CTNND2: variants seen among roughly 807,000 people sequenced by gnomAD.
The protein encoded by CTNND2 is catenin delta 2.
CTNND2 carries 22 observed loss-of-function variants against 144.4 expected under a neutral mutation model. That is an observed-to-expected ratio of 0.15 (90% confidence interval 0.11 to 0.22). The LOEUF is 0.22. CTNND2 is among the 10% of genes least tolerant of loss of function. CTNND2 has a pLI of 1.00. For synonymous variants in CTNND2, 751 were observed against 695.6 expected (o/e 1.08, Z -1.25); for missense variants, 1,353 against 1,618.8 (o/e 0.84, Z 2.82).
chr5:10,997,607 AAT>A (rs1491164636), intron 18 of CTNND2, among the ~76,000 whole-genome samples: 12 of 151,980 alleles, frequency 7.9e-5, no homozygotes, highest in African/African-American at 2.7e-4. Flanking sequence ...AAAAAAAAAA[AAT>A]TTAAATCCCT....
At chr5:11,284,619 T>G (rs1208751325) in intron 9 of CTNND2, among the ~76,000 whole-genome samples, 1 of 152,254 alleles carries the variant, frequency 6.6e-6, no homozygotes, top group African/African-American at 2.4e-5. Flanking sequence ...CTGCGTAGTA[T>G]TCTATGGTGT....
chr5:11,235,362 T>C (rs740472), intron 10 of CTNND2, among the ~76,000 whole-genome samples: 2,043 of 152,344 alleles, frequency 0.013, 50 homozygotes, highest in African/African-American at 0.047. Flanking sequence ...TGCATGGCCA[T>C]TGTTTTTTCT....
chr5:11,126,336 T>C (rs1390862649), intron 12 of CTNND2, among the ~76,000 whole-genome samples: 1 of 152,240 alleles, frequency 6.6e-6, no homozygotes, highest in Non-Finnish European at 1.5e-5. Flanking sequence ...TTCATAATTT[T>C]TTAAATTAAT....
At chr5:11,690,559 C>T (rs1357167297) in intron 2 of CTNND2, among the ~76,000 whole-genome samples, 1 of 151,668 alleles carries the variant, frequency 6.6e-6, no homozygotes, top group South Asian at 2.1e-4. Context: ...AGGTGAAACC[C>T]CGTCTCTACT....
intron 2 of CTNND2, among the ~76,000 whole-genome samples, chr5:11,676,130 C>T (rs1394041682): frequency 6.6e-6 from 1 of 151,876 alleles, no homozygotes; most frequent in African/African-American, 2.4e-5. Flanking sequence ...CACACACACA[C>T]ATATATAACA....
In CTNND2 at chr5:11,862,760, A is replaced by T. The variant is rs1249391971; in HGVS notation, c.37+41057T>A. Among the ~76,000 whole-genome samples, 3 of 152,318 alleles carry T rather than the reference A, an allele frequency of 2.0e-5. No individual in the cohort carries two copies. The East Asian group carries it at 5.8e-4, about 29-fold the overall frequency. ...TACGACAATTTATCTCCTTTGAGACATTGGCCAGCTCTTCTGTTTTCAGCC... is the reference window on the plus strand; with the variant it reads ...TACGACAATTTATCTCCTTTGAGACTTTGGCCAGCTCTTCTGTTTTCAGCC... On this transcript the variant is annotated intron_variant, in intron 1 of 21. Coordinates refer to ENST00000304623, the MANE Select transcript of CTNND2 (RefSeq NM_001332.4).
chr5:11,483,648 A>G (rs960782803), intron 3 of CTNND2, among the ~76,000 whole-genome samples: 1 of 152,190 alleles, frequency 6.6e-6, no homozygotes, highest in African/African-American at 2.4e-5. Context: ...CGAAGCCTGC[A>G]GTCTTGTAAG....
chr5:11,399,388 TAGAC>T (rs1648741168), intron 5 of CTNND2, among the ~76,000 whole-genome samples: 1 of 152,186 alleles, frequency 6.6e-6, no homozygotes, highest in South Asian at 2.1e-4. Context: ...AGCATTATCT[TAGAC>T]AGTTGCATGT....
intron 1 of CTNND2, among the ~76,000 whole-genome samples, chr5:11,862,306 A>T (rs1795538979): frequency 6.6e-6 from 1 of 152,324 alleles, no homozygotes; most frequent in South Asian, 2.1e-4. Context: ...CATTAAAATG[A>T]AGGCACTTGT....
At chr5:11,468,685 AT>A (rs1766892865) in intron 3 of CTNND2, among the ~76,000 whole-genome samples, 1 of 152,084 alleles carries the variant, frequency 6.6e-6, no homozygotes, top group Non-Finnish European at 1.5e-5. Context: ...CCTTTTTCAA[AT>A]TTTAGAGTCT....
At chr5:11,793,525 T>A (rs1387064722) in intron 1 of CTNND2, among the ~76,000 whole-genome samples, 2 of 152,166 alleles carry the variant, frequency 1.3e-5, no homozygotes, top group Non-Finnish European at 2.9e-5. Context: ...ATATGACAGA[T>A]GTCCTCATGA....
chr5:11,167,385 C>T (rs980433131), intron 11 of CTNND2, among the ~76,000 whole-genome samples: 1 of 152,072 alleles, frequency 6.6e-6, no homozygotes, highest in Admixed American at 6.5e-5. Context: ...TTATTTAGCC[C>T]CAGAATGGAT....
At chr5:11,454,654 T>G (rs1180008125) in intron 3 of CTNND2, among the ~76,000 whole-genome samples, 2 of 151,838 alleles carry the variant, frequency 1.3e-5, no homozygotes, top group East Asian at 3.9e-4. Context: ...TGCAGTGCAG[T>G]GGCACGATCT....
chr5:11,387,131 G>GTT (rs5865936), intron 6 of CTNND2, among the ~76,000 whole-genome samples: 103 of 150,284 alleles, frequency 6.9e-4, no homozygotes, highest in African/African-American at 1.9e-3. Flanking sequence ...CCATATATCA[G>GTT]TTTTTTTTGG....
intron 1 of CTNND2, among the ~76,000 whole-genome samples, chr5:11,813,179 G>A (rs372600627): frequency 1.4e-4 from 22 of 152,266 alleles, no homozygotes; most frequent in African/African-American, 3.9e-4. Flanking sequence ...ATTGCCTACA[G>A]TATTCAGTAC....
intron 2 of CTNND2, among the ~76,000 whole-genome samples, chr5:11,573,853 G>T (rs1348430492): frequency 2.6e-5 from 4 of 151,986 alleles, no homozygotes; most frequent in African/African-American, 4.8e-5. Flanking sequence ...ATCTGCTTTT[G>T]CTCTGCCATT....
chr5:11,788,909 A>T (rs895030118), intron 1 of CTNND2, among the ~76,000 whole-genome samples: 1 of 146,506 alleles, frequency 6.8e-6, no homozygotes, highest in Admixed American at 7.2e-5. Context: ...ATTCCCACCT[A>T]TGAATGAGAA....
At chr5:11,346,351 A>G (rs1365045692) in intron 9 of CTNND2, 21 bp downstream of exon 9, 2 of 1,414,714 alleles carry the variant, frequency 1.4e-6, no homozygotes, top group East Asian at 2.7e-5. Context: ...ATCATAGGGA[A>G]AGAAAAAGGT....
At chr5:11,471,297 C>T (rs1008652917) in intron 3 of CTNND2, among the ~76,000 whole-genome samples, 1 of 151,984 alleles carries the variant, frequency 6.6e-6, no homozygotes, top group Non-Finnish European at 1.5e-5. Context: ...AATTTTAATG[C>T]ATTTTCTATC....
Sources: allele counts gnomAD v4.1 joint callset (sites outside exome capture counted in the v4.1 genomes callset), GRCh38; gene constraint gnomAD v4.1.1; transcripts MANE v1.5; gene names NCBI Gene and HGNC (gene_info 2026-07-23, HGNC 2026-07-21).